Variants in COLQ observed in about 807,000 individuals in gnomAD.
COLQ encodes the protein collagen like tail subunit of asymmetric acetylcholinesterase.
Under a neutral mutation model 69.0 loss-of-function variants are expected in COLQ, and 48 were observed. That is an observed-to-expected ratio of 0.70 (90% CI 0.55 to 0.88). The LOEUF (loss-of-function observed/expected upper bound fraction) is 0.88, where lower values mean the gene tolerates loss of function less well. Ranked by LOEUF, COLQ falls within the 40% of genes least tolerant of loss-of-function variation. The pLI is 0.00. For missense variants in COLQ, 618 were observed against 594.6 expected (o/e 1.04, Z -0.41); for synonymous variants, 217 against 211.2 (o/e 1.03, Z -0.24).
At chr3:15,502,818 A>G (rs1042900245) in intron 1 of COLQ, among the ~76,000 whole-genome samples, 1 of 152,218 alleles carries the variant, frequency 6.6e-6, no homozygotes, top group African/African-American at 2.4e-5. Context: ...AGATGAGGGG[A>G]AGGAGCATTG....
chr3:15,496,849 A>C (rs1310224851), intron 1 of COLQ, among the ~76,000 whole-genome samples: 1 of 152,160 alleles, frequency 6.6e-6, no homozygotes, highest in Non-Finnish European at 1.5e-5. Context: ...CAAGAAACTG[A>C]GGCACATCTT....
chr3:15,496,993 A>ACCACAAAG (rs2062755016), intron 1 of COLQ, among the ~76,000 whole-genome samples: 1 of 149,742 alleles, frequency 6.7e-6, no homozygotes, highest in African/African-American at 2.5e-5. Context: ...CCTCATCTGT[A>ACCACAAAG]CCACAAAGAG....
In COLQ at chr3:15,466,442, C is replaced by A; in HGVS notation, c.718-5G>T. 2 of 1,612,516 alleles carry A rather than the reference C, an allele frequency of 1.2e-6. No individual in the cohort carries two copies. Among genetic ancestry groups the A allele is most frequent in the Non-Finnish European group, 8.5e-7 (1 of 1,178,570 alleles). On this transcript the variant is annotated splice_region_variant and splice_polypyrimidine_tract_variant and intron_variant, in intron 11 of 16. Transcript: ENST00000383788. ...TCCACTATCCCCTTTCTGTCCCTGA[C>A]AGAGAGAAAGGCAGAGCCTGTTATG...
chr3:15,500,845 GATT>G (rs1487905415), intron 1 of COLQ, among the ~76,000 whole-genome samples: 2 of 152,188 alleles, frequency 1.3e-5, no homozygotes, highest in Non-Finnish European at 2.9e-5. Flanking sequence ...GCCAGCCTGG[GATT>G]AAGAGCCCTG....
intron 1 of COLQ, among the ~76,000 whole-genome samples, chr3:15,516,216 G>A (rs956298235): frequency 6.6e-6 from 1 of 152,162 alleles, no homozygotes; most frequent in African/African-American, 2.4e-5. Context: ...AGTGCATTAC[G>A]GAGCATTAAA....
chr3:15,490,153 C>G (rs564149248), intron 1 of COLQ, among the ~76,000 whole-genome samples: 2 of 152,190 alleles, frequency 1.3e-5, no homozygotes, highest in African/African-American at 4.8e-5. Context: ...ACTCATTTCA[C>G]TGGAGAGTTA....
At chr3:15,476,875 G>A (rs1258700065) in intron 6 of COLQ, among the ~76,000 whole-genome samples, 3 of 152,180 alleles carry the variant, frequency 2.0e-5, no homozygotes, top group Admixed American at 6.5e-5. Flanking sequence ...GGAGAACCAC[G>A]GCCCCTGTAG....
Position 15,455,922 on chromosome 3 carries a change from C to T in COLQ, c.1172G>A (p.Ser391Asn). The change falls in exon 15 of 17, where the codon AGC (serine) becomes AAC (asparagine). Residue 391 changes from serine to asparagine, a missense_variant. Physicochemically the swap from Ser to Asn is conservative, Grantham distance 46 (BLOSUM62 1). Transcript: ENST00000383788. ...ACGGATGCAGTCGTCACCCACATCG[C>T]TGTTACCGTCGTCACACTCCTCCCC... ...QPGEECDDGN[S>N]DVGDDCIRCH... is the part of the protein sequence containing the mutation. The T allele has an allele frequency of 3.7e-6, 6 of 1,614,202 alleles. No homozygotes were observed. The highest frequency in any genetic ancestry group is 5.1e-6 in the Non-Finnish European group (6 of 1,180,012).
chr3:15,502,793 G>T (rs981976456), intron 1 of COLQ, among the ~76,000 whole-genome samples: 2 of 152,102 alleles, frequency 1.3e-5, no homozygotes, highest in African/African-American at 4.8e-5. Context: ...TGACTTGTTA[G>T]TATCATCCTC....
In COLQ at chr3:15,514,578, T is replaced by C. The variant is rs2063032180; in HGVS notation, c.106+6942A>G. Reference sequence around the variant, plus strand: ...CATAATGCAACCTGGGTGCATATTCTTTTGTCTAACCAGGGCTGGGAACCA... The same window carrying C: ...CATAATGCAACCTGGGTGCATATTCCTTTGTCTAACCAGGGCTGGGAACCA... On this transcript the variant is annotated intron_variant, in intron 1 of 16. Transcript: ENST00000383788. 1.3e-5 allele frequency among the ~76,000 whole-genome samples: 2 copies of C among 152,208 alleles called. 1 individual carries two copies. The highest frequency in any genetic ancestry group is 4.8e-5 in the African/African-American group (2 of 41,460).
chr3:15,454,829 T>A (rs989864182), intron 15 of COLQ, among the ~76,000 whole-genome samples: 2 of 151,886 alleles, frequency 1.3e-5, no homozygotes, highest in African/African-American at 4.8e-5. Flanking sequence ...CTAATTTTTT[T>A]AATTTTTATT....
chr3:15,460,325 G>A (rs1352177096), intron 12 of COLQ, among the ~76,000 whole-genome samples: 2 of 152,224 alleles, frequency 1.3e-5, no homozygotes, highest in Non-Finnish European at 2.9e-5. Context: ...GTCACATTCT[G>A]GCTGGCAGAA....
At chr3:15,480,080 C>T (rs150393647) in intron 3 of COLQ, among the ~76,000 whole-genome samples, 4 of 152,314 alleles carry the variant, frequency 2.6e-5, no homozygotes, top group African/African-American at 9.6e-5. Flanking sequence ...CCAAATTCTC[C>T]AAAACAGCAG....
Position 15,493,809 on chromosome 3 carries a change from C to T in COLQ, c.107-4172G>A, listed in dbSNP as rs192342932. 5.1e-4 allele frequency among the ~76,000 whole-genome samples: 77 copies of T among 152,352 alleles called. 2 individuals carry two copies. In the East Asian group the frequency reaches 0.012, roughly 24 times the overall value. ...TCCAAAATATGTCAAACAGGCTAGG[C>T]GTGGTGGCTCACGCCTGTAATCCCA... On this transcript the variant is annotated intron_variant, in intron 1 of 16. Transcript: ENST00000383788.
chr3:15,465,641 A>T, intron 12 of COLQ, among the ~76,000 whole-genome samples: 2 of 101,648 alleles, frequency 2.0e-5, no homozygotes, highest in Admixed American at 2.6e-4. Flanking sequence ...TTGGAGACAG[A>T]GTTTCGAGAT....
chr3:15,517,225 CTATT>C (rs2063075222), intron 1 of COLQ, among the ~76,000 whole-genome samples: 1 of 152,154 alleles, frequency 6.6e-6, no homozygotes, highest in Non-Finnish European at 1.5e-5. Context: ...GCCAATATCA[CTATT>C]TATCCAAAAC....
rs369301296 is a variant in COLQ, at chr3:15,457,466, G to A, written c.954+720C>T. On this transcript the variant is annotated intron_variant, in intron 13 of 16. Transcript: ENST00000383788. ...CAAGGACACAGGCTCGCCATGAGTTGATCATTATTAAAGTTGGGTGAAGGG... is the reference window on the plus strand; with the variant it reads ...CAAGGACACAGGCTCGCCATGAGTTAATCATTATTAAAGTTGGGTGAAGGG... 2.4e-4 allele frequency among the ~76,000 whole-genome samples: 36 copies of A among 152,194 alleles called. 3 individuals are homozygous for A. The highest frequency in any genetic ancestry group is 1.2e-3 in the Admixed American group (18 of 15,276).
chr3:15,472,315 C>T (rs1024743301), intron 10 of COLQ, among the ~76,000 whole-genome samples: 3 of 152,084 alleles, frequency 2.0e-5, no homozygotes, highest in African/African-American at 7.2e-5. Flanking sequence ...TATAATTAAT[C>T]TATTCTTTTA....
At chr3:15,518,238 G>A (rs950331723) in intron 1 of COLQ, among the ~76,000 whole-genome samples, 6 of 152,116 alleles carry the variant, frequency 3.9e-5, no homozygotes, top group African/African-American at 9.7e-5. Context: ...GAGCCACCGC[G>A]CCTGGCCTAC....
Sources: allele counts gnomAD v4.1 joint callset (sites outside exome capture counted in the v4.1 genomes callset), GRCh38; gene constraint gnomAD v4.1.1; transcripts MANE v1.5; gene names NCBI Gene and HGNC (gene_info 2026-07-23, HGNC 2026-07-21).